The following SOX5 variants were observed in gnomAD, a reference collection of about 807,000 sequenced individuals.
SOX5 encodes the protein transcription factor SOX-5.
A neutral mutation model predicts 92.0 loss-of-function variants in SOX5; 9 were observed. The observed-to-expected ratio is 0.10, with a 90% CI of 0.06 to 0.17. The LOEUF is 0.17. Among genes scored for constraint, SOX5 ranks in the 10% least tolerant of loss-of-function variants. The pLI is 1.00. For missense variants in SOX5, 642 were observed against 944.5 expected, an observed-to-expected ratio of 0.68 and a Z score of 4.20; for synonymous variants, 344 against 336.3, an observed-to-expected ratio of 1.02 and a Z score of -0.25.
At position 23,818,238 on chromosome 12, in the gene SOX5, G is replaced by GCTC. The variant is rs2096035989; in HGVS notation, c.481+27744_481+27745insGAG. Among the ~76,000 whole-genome samples the GCTC allele has an allele frequency of 2.0e-5, 3 of 152,080 alleles. 1 individual carries two copies. Among genetic ancestry groups the GCTC allele is most frequent in the African/African-American group, 7.2e-5 (3 of 41,406 alleles). Reference sequence around the variant, plus strand: ...AGAGGATCCTTTCACAGACCCAGCTGGTATGTAGCCTACTACACACATAGG... The same window carrying GCTC: ...AGAGGATCCTTTCACAGACCCAGCTGCTCGTATGTAGCCTACTACACACATAGG... On this transcript the variant is annotated intron_variant, in intron 3 of 14. Coordinates refer to ENST00000451604, the MANE Select transcript of SOX5 (RefSeq NM_006940.6).
intron 4 of SOX5, among the ~76,000 whole-genome samples, chr12:24,082,404 G>GAA (rs58736325): frequency 0.028 from 2,062 of 73,394 alleles, 194 homozygotes; most frequent in Non-Finnish European, 0.036. Context: ...CTTTCGAAAA[G>GAA]AAAAAAAAAA....
At chr12:24,298,934 C>A (rs1947636494) in intron 2 of SOX5, among the ~76,000 whole-genome samples, 2 of 151,784 alleles carry the variant, frequency 1.3e-5, no homozygotes, top group Non-Finnish European at 2.9e-5. Flanking sequence ...AAAGAGTTTT[C>A]ATATTATTAG....
intron 4 of SOX5, among the ~76,000 whole-genome samples, chr12:24,084,063 A>G (rs1424590854): frequency 1.3e-5 from 2 of 152,218 alleles, no homozygotes; most frequent in African/African-American, 2.4e-5. Context: ...GAGATAAAAA[A>G]TCTGTATGAT....
intron 1 of SOX5, among the ~76,000 whole-genome samples, chr12:24,417,742 AG>A (rs1965258763): frequency 1.3e-5 from 2 of 152,314 alleles, no homozygotes; most frequent in African/African-American, 4.8e-5. Flanking sequence ...CCTGGAGAAA[AG>A]GATAGACAAT....
Position 24,036,354 on chromosome 12 carries a change from A to G in SOX5, c.-1-140330T>C, listed in dbSNP as rs183619446. Among the ~76,000 whole-genome samples the G allele has an allele frequency of 7.2e-5, 11 of 152,236 alleles. No individual in the cohort carries two copies. The East Asian group carries it at 1.9e-3, about 27-fold the overall frequency. ...TAATGCCATTAAACATTCCAACACT[A>G]TACTTACTTAACAGCTTTTGGCATT... is the stretch of plus-strand genomic sequence containing the variant. On this transcript the variant is annotated intron_variant, in intron 4 of 4. Transcript: ENST00000446891.
chr12:24,270,429 T>C (rs1943580431), intron 3 of SOX5, among the ~76,000 whole-genome samples: 1 of 152,206 alleles, frequency 6.6e-6, no homozygotes, highest in African/African-American at 2.4e-5. Flanking sequence ...ATTTAATTTA[T>C]ACTATTTGCC....
chr12:24,061,897 T>A (rs1028187742), intron 4 of SOX5, among the ~76,000 whole-genome samples: 1 of 152,214 alleles, frequency 6.6e-6, no homozygotes, highest in African/African-American at 2.4e-5. Flanking sequence ...CATTACTATA[T>A]GAAGTATTCT....
chr12:24,088,415 T>C (rs1424142741), intron 4 of SOX5, among the ~76,000 whole-genome samples: 2 of 152,060 alleles, frequency 1.3e-5, no homozygotes, highest in African/African-American at 4.8e-5. Context: ...AAAGCTGCTT[T>C]AGTGAGGTTT....
chr12:24,560,188 AAG>A (rs1193901621), intron 1 of SOX5, among the ~76,000 whole-genome samples: 1 of 152,196 alleles, frequency 6.6e-6, no homozygotes, highest in African/African-American at 2.4e-5. Context: ...AGGGGGAAAA[AAG>A]AAAGAATTTC....
chr12:23,704,883 T>G (rs2091191511), intron 6 of SOX5, among the ~76,000 whole-genome samples: 1 of 125,264 alleles, frequency 8.0e-6, no homozygotes, highest in African/African-American at 2.7e-5. Context: ...TCTGTTAAAT[T>G]TTTTTTTGTA....
intron 4 of SOX5, among the ~76,000 whole-genome samples, chr12:24,025,446 A>C (rs916280285): frequency 6.6e-6 from 1 of 152,112 alleles, no homozygotes; most frequent in Non-Finnish European, 1.5e-5. Flanking sequence ...TCTCTTGCTT[A>C]AACATCTCCA....
At chr12:24,209,238 T>C (rs2139648173) in intron 4 of SOX5, among the ~76,000 whole-genome samples, 1 of 152,176 alleles carries the variant, frequency 6.6e-6, no homozygotes, top group African/African-American at 2.4e-5. Context: ...GAGTGGAGAA[T>C]TTCCTCCACT....
chr12:23,562,529 G>GA (rs1946389337), intron 11 of SOX5, among the ~76,000 whole-genome samples: 7 of 152,094 alleles, frequency 4.6e-5, no homozygotes, highest in African/African-American at 1.7e-4. Context: ...AGAGGATTCT[G>GA]TAAAGCGCAC....
chr12:23,779,107 T>G (rs978801233), intron 3 of SOX5, among the ~76,000 whole-genome samples: 1 of 152,192 alleles, frequency 6.6e-6, no homozygotes, highest in African/African-American at 2.4e-5. Flanking sequence ...AACTTTTCCA[T>G]GGTGGATTCT....
At chr12:24,126,054 T>C (rs760828783) in intron 4 of SOX5, among the ~76,000 whole-genome samples, 2 of 152,206 alleles carry the variant, frequency 1.3e-5, no homozygotes, top group Non-Finnish European at 2.9e-5. Context: ...TCTCTTCCAG[T>C]AGGACCTGTT....
chr12:24,106,516 C>A (rs574461889), intron 4 of SOX5, among the ~76,000 whole-genome samples: 1 of 152,028 alleles, frequency 6.6e-6, no homozygotes, highest in East Asian at 1.9e-4. Flanking sequence ...AGAAGCCAGG[C>A]GTGGTGACTC....
At chr12:24,335,322 T>TA (rs925755426) in intron 2 of SOX5, among the ~76,000 whole-genome samples, 2 of 152,184 alleles carry the variant, frequency 1.3e-5, no homozygotes, top group Admixed American at 6.5e-5. Context: ...ATTACACAAT[T>TA]AAAAAAATCT....
At chr12:23,558,855 A>T (rs1471195492) in intron 11 of SOX5, among the ~76,000 whole-genome samples, 1 of 152,154 alleles carries the variant, frequency 6.6e-6, no homozygotes, top group Admixed American at 6.5e-5. Context: ...CGCCTGCCTC[A>T]GCCTCCCAAA....
intron 3 of SOX5, among the ~76,000 whole-genome samples, chr12:24,218,671 A>G (rs1323215604): frequency 6.6e-6 from 1 of 152,192 alleles, no homozygotes; most frequent in Non-Finnish European, 1.5e-5. Context: ...TAAAAATTAC[A>G]TACTATGAAA....
Sources: gnomAD v4.1 joint callset for allele counts (sites outside exome capture counted in the v4.1 genomes callset) on GRCh38, gnomAD v4.1.1 for gene constraint, MANE v1.5 for transcripts, NCBI Gene and HGNC (gene_info 2026-07-23, HGNC 2026-07-21) for gene names.